The following NAGPA variants were observed in gnomAD, a reference collection of about 807,000 sequenced individuals.
NAGPA encodes alpha-N-acetylglucosaminyl phosphodiesterase.
NAGPA carries 56 observed loss-of-function variants against 48.5 expected under a neutral mutation model. That is an observed-to-expected ratio of 1.15 (90% CI 0.93 to 1.44). The LOEUF is 1.44. Among genes scored for constraint, NAGPA ranks in the 40% most tolerant of loss-of-function variants. The probability of loss-of-function intolerance (pLI) is 0.00; values close to 1 mark genes in which losing one functional copy is unlikely to be tolerated. For missense variants in NAGPA, 888 were observed against 735.0 expected, an observed-to-expected ratio of 1.21 and a Z score of -2.41; for synonymous variants, 399 against 315.5, an observed-to-expected ratio of 1.26 and a Z score of -2.81.
Position 5,027,969 on chromosome 16 carries a change from C to A in NAGPA, c.1126+11G>T. 6.2e-7 allele frequency: 1 copy of A among 1,612,302 alleles called. No homozygotes were observed. The highest frequency in any genetic ancestry group is 8.5e-7 in the Non-Finnish European group (1 of 1,179,430). ...GCTGGGCAGAGCCCCCTCCCCAGAA[C>A]CCCCACTCACTCTCCGTGCACAGTC... is the stretch of plus-strand genomic sequence containing the variant. On this transcript the variant is annotated intron_variant, in intron 6 of 9. Transcript: ENST00000312251.
rs917028184 is a variant in NAGPA at position 5,033,229 on chromosome 16, C to G, written c.542+44G>C. The G allele has an allele frequency of 1.3e-6, 2 of 1,552,316 alleles. No individual in the cohort carries two copies. The highest frequency in any genetic ancestry group is 1.7e-6 in the Non-Finnish European group (2 of 1,156,738). ...GGAGGCACGGCTACAACCCAAATCT[C>G]AGGCCCTCTGCCCTCGACAGCACGG... On this transcript the variant is annotated intron_variant, in intron 2 of 9. Transcript: ENST00000312251. The surrounding 1 kb of genome is among the most constrained non-coding windows in gnomAD (Gnocchi z 4.2).
At chr16:5,027,048 G>A (rs1032067580) in intron 9 of NAGPA, 87 bp downstream of exon 9, 7 of 1,504,662 alleles carry the variant, frequency 4.7e-6, no homozygotes, top group African/African-American at 4.2e-5. Flanking sequence ...CAGGGGACAA[G>A]GGCAGAGATG....
rs770917515 is a variant in NAGPA at position 5,025,612 on chromosome 16, G to C, written c.1414C>G (p.Leu472Val). Residue 472 changes from leucine to valine, a missense_variant, in exon 10 of 10, where the codon CTC becomes GTC. Transcript: ENST00000312251. ...LISTAANLSLLLSRAERNRRL... is the reference protein window; with the variant it reads ...LISTAANLSLVLSRAERNRRL... ...CGGTTCCTCTCTGCTCTGGACAGGA[G>C]CAAGGACAGGTTTGCTGCAGTGCTG... The C allele has an allele frequency of 2.5e-6, 4 of 1,613,838 alleles. No homozygotes were observed. The highest frequency in any genetic ancestry group is 2.7e-5 in the African/African-American group (2 of 74,932).
At chr16:5,030,324 G>T (rs1322558452) in intron 4 of NAGPA, 61 bp downstream of exon 4, 30 of 1,458,902 alleles carry the variant, frequency 2.1e-5, no homozygotes, top group Admixed American at 7.9e-5. Context: ...CTGTCATTGG[G>T]TCAACGTTCC....
chr16:5,027,499 A>T (rs1012970918), intron 7 of NAGPA, 120 bp from the exon 8 acceptor site: 1 of 1,083,860 alleles, frequency 9.2e-7, no homozygotes, highest in Non-Finnish European at 1.4e-6. Context: ...GCCGGGCTAA[A>T]GGTGAAGCAC....
chr16:5,027,788 A>C lies in NAGPA; in HGVS notation c.1174+58T>G. Reference sequence around the variant, plus strand: ...GTGGAGACAGAAGCAGCAGAGGAGCAGTGGGGGCTGCCGGGGGCCACCGTC... The same window carrying C: ...GTGGAGACAGAAGCAGCAGAGGAGCCGTGGGGGCTGCCGGGGGCCACCGTC... On this transcript the variant is annotated intron_variant, in intron 7 of 9. Transcript: ENST00000312251. 2.6e-6 allele frequency: 4 copies of C among 1,546,144 alleles called. No individual in the cohort carries two copies. The East Asian group carries it at 9.8e-5, about 38-fold the overall frequency.
chr16:5,030,302 G>C, intron 4 of NAGPA, 83 bp downstream of exon 4: 1 of 1,286,830 alleles, frequency 7.8e-7, no homozygotes, highest in Non-Finnish European at 1.1e-6. Flanking sequence ...AGCAGGTAGA[G>C]TCAGAGGGTG....
In NAGPA at chr16:5,031,851, C is replaced by T. The variant is rs1956103201; in HGVS notation, c.576G>A (p.Glu192=). 6.2e-7 allele frequency: 1 copy of T among 1,614,188 alleles called. No individual in the cohort carries two copies. The highest frequency in any genetic ancestry group is 1.1e-5 in the South Asian group (1 of 91,084). The change falls in exon 3 of 10, where the codon GAG becomes GAA. Residue 192 remains glutamate, a synonymous_variant. Transcript: ENST00000312251. ...YLSEEEVLDT[E]NPFVQLLSGV... ...CACTCAGCAGCTGCACAAATGGGTT[C>T]TCAGTGTCCAGCACCTCCTCCTCAG...
chr16:5,029,793 G>A (rs564765779), intron 4 of NAGPA: 10 of 160,670 alleles, frequency 6.2e-5, no homozygotes, highest in Non-Finnish European at 9.5e-5. Flanking sequence ...GTGTGGTGGC[G>A]GGTGCCCGTA....
In NAGPA at chr16:5,028,120, C is replaced by T; in HGVS notation, c.986G>A (p.Cys329Tyr). The change falls in exon 6 of 10, where the codon TGC (cysteine) becomes TAC (tyrosine). Residue 329 changes from cysteine to tyrosine, a missense_variant. Physicochemically the swap from Cys to Tyr is radical, Grantham distance 194. Transcript: ENST00000312251. ...GTGGCCGTGGCAGTCAGGCGGCTGGCAGCGGGGTTCGTGCACACACACCAC... is the reference window on the plus strand; with the variant it reads ...GTGGCCGTGGCAGTCAGGCGGCTGGTAGCGGGGTTCGTGCACACACACCAC... ...STVVCVHEPR[C>Y]QPPDCHGHGT... 5 of 1,605,078 alleles carry T rather than the reference C, an allele frequency of 3.1e-6. No individual in the cohort carries two copies. Among genetic ancestry groups the T allele is most frequent in the South Asian group, 2.2e-5 (2 of 89,864 alleles).
rs760186473 is a variant in NAGPA, at chr16:5,033,646, C to T, written c.169G>A (p.Gly57Ser). The change falls in exon 2 of 10, where the codon GGC (glycine) becomes AGC (serine). Residue 57 changes from glycine (G) to serine (S), a missense_variant. By Grantham distance (56) the Gly-to-Ser change is moderately conservative. Coordinates refer to ENST00000312251, the MANE Select transcript of NAGPA (RefSeq NM_016256.4). The surrounding 1 kb of genome is among the most constrained non-coding windows in gnomAD (Gnocchi z 4.2). ...GGCCAACTCTCGTGCTCGCGGTTGC[C>T]GGCGCGCACCCGTGTGCAGTCCCGG... is the stretch of plus-strand genomic sequence containing the variant. ...LPRDCTRVRA[G>S]NREHESWPPP... is the part of the protein sequence containing the mutation. The T allele has an allele frequency of 3.2e-6, 5 of 1,539,944 alleles. No individual in the cohort carries two copies. Among genetic ancestry groups the T allele is most frequent in the South Asian group, 1.2e-5 (1 of 82,918 alleles).
In NAGPA at chr16:5,033,370, G is replaced by A; in HGVS notation, c.445C>T (p.Leu149=). The A allele has an allele frequency of 2.5e-6, 4 of 1,597,892 alleles. No individual in the cohort carries two copies. The South Asian group carries it at 4.4e-5, about 18-fold the overall frequency. The change falls in exon 2 of 10, where the codon CTG becomes TTG. Residue 149 remains leucine, a synonymous_variant. Transcript: ENST00000312251. The surrounding 1 kb of genome is among the most constrained non-coding windows in gnomAD (Gnocchi z 4.2). The part of the protein sequence containing the change: ...GFFRMNSGEC[L]GNVVSDERRV... ...CGCTCGTCGCTCACCACGTTCCCCAGGCACTCGCCCGAGTTCATGCGGAAG... is the reference window on the plus strand; with the variant it reads ...CGCTCGTCGCTCACCACGTTCCCCAAGCACTCGCCCGAGTTCATGCGGAAG...
At chr16:5,026,725 A>T (rs1242882457) in intron 9 of NAGPA, among the ~76,000 whole-genome samples, 1 of 151,916 alleles carries the variant, frequency 6.6e-6, no homozygotes, top group South Asian at 2.1e-4. Flanking sequence ...GTGAGATCCT[A>T]TCTCTAAAAA....
chr16:5,032,664 G>A (rs1010126789), intron 2 of NAGPA, among the ~76,000 whole-genome samples: 1 of 151,044 alleles, frequency 6.6e-6, no homozygotes, highest in Non-Finnish European at 1.5e-5. Flanking sequence ...GGGCAACAGA[G>A]CAAGACTCTG....
rs1285471355 is a variant in NAGPA at position 5,033,311 on chromosome 16, C to G, written c.504G>C (p.Ala168=). The G allele has an allele frequency of 2.5e-6, 4 of 1,597,024 alleles. No homozygotes were observed. The African/African-American group carries it at 5.3e-5, about 21-fold the overall frequency. Residue 168 remains alanine, a synonymous_variant, in exon 2 of 10, where the codon GCG becomes GCC. Transcript: ENST00000312251. The surrounding 1 kb of genome is among the most constrained non-coding windows in gnomAD (Gnocchi z 4.2). ...TCCCGTCGCGGCGGATCCCGAACTG[C>G]GCGTTCTGCAGCCCCCCGGAGCTGC... ...RVSSSGGLQN[A]QFGIRRDGTL...
rs368087335 is a variant in NAGPA at position 5,027,907 on chromosome 16, A to T, written c.1127-14T>A. ...AGCGGCAGCCGGCTGCCGAGACAAG[A>T]CCGGGGAGGCCAGGTGAGGGCCTAG... On this transcript the variant is annotated splice_polypyrimidine_tract_variant and intron_variant, in intron 6 of 9. Coordinates refer to ENST00000312251, the MANE Select transcript of NAGPA (RefSeq NM_016256.4). The T allele has an allele frequency of 1.5e-5, 24 of 1,607,062 alleles. No individual in the cohort carries two copies. Among genetic ancestry groups the T allele is most frequent in the Non-Finnish European group, 2.0e-5 (23 of 1,177,102 alleles).
chr16:5,028,386 C>G, intron 5 of NAGPA: 2 of 1,015,940 alleles, frequency 2.0e-6, no homozygotes, highest in Non-Finnish European at 3.0e-6. Context: ...AAGGTGTGCA[C>G]CATCACGCCT....
At chr16:5,032,683 A>C (rs1439426054) in intron 2 of NAGPA, among the ~76,000 whole-genome samples, 2 of 152,096 alleles carry the variant, frequency 1.3e-5, no homozygotes, top group East Asian at 3.9e-4. Context: ...TGTCTCAAAA[A>C]AAAAAAAATC....
In NAGPA at chr16:5,025,108, AG is replaced by A. The variant is rs1202767237; in HGVS notation, c.*369del. 3.4e-6 allele frequency: 1 copy of A among 295,030 alleles called. No individual in the cohort carries two copies. The highest frequency in any genetic ancestry group is 2.1e-5 in the African/African-American group (1 of 47,146). 18.3% of individuals were successfully genotyped at this position (295,030 alleles called of 1,614,324 possible). On this transcript the variant is annotated 3_prime_UTR_variant, in exon 10 of 10. Transcript: ENST00000312251. Reference sequence around the variant, plus strand: ...CCCACTCCAGCCAGGGGTGCTGGCCAGGATGTGCTGTTCTGTCATGACGTGG... The same window carrying A: ...CCCACTCCAGCCAGGGGTGCTGGCCAGATGTGCTGTTCTGTCATGACGTGG...
Sources: gnomAD v4.1 joint callset for allele counts (sites outside exome capture counted in the v4.1 genomes callset) on GRCh38, gnomAD v4.1.1 for gene constraint, Gnocchi (gnomAD v3.1) non-coding constraint, MANE v1.5 for transcripts, NCBI Gene and HGNC (gene_info 2026-07-23, HGNC 2026-07-21) for gene names.